PRSS33: variants seen among roughly 807,000 people sequenced by gnomAD.
PRSS33 encodes protease, serine 33.
A neutral mutation model predicts 26.7 loss-of-function variants in PRSS33; 32 were observed. That is an observed-to-expected ratio of 1.20 (90% CI 0.90 to 1.61). PRSS33 has a LOEUF of 1.61. Ranked by LOEUF, PRSS33 falls within the 40% of genes most tolerant of loss-of-function variation. PRSS33 has a pLI of 0.00. For synonymous variants in PRSS33, 192 were observed against 177.6 expected (o/e 1.08, Z -0.64); for missense variants, 450 against 396.3 (o/e 1.14, Z -1.15).
In PRSS33 at chr16:2,784,657, C is replaced by T. The variant is rs750042020; in HGVS notation, c.830G>A (p.Arg277His). 3.6e-5 allele frequency: 58 copies of T among 1,597,078 alleles called. 1 individual carries two copies. In the South Asian group the frequency reaches 4.1e-4, roughly 11 times the overall value. Residue 277 changes from arginine (R) to histidine (H), a missense_variant, in exon 7 of 7, where the codon CGC (arginine) becomes CAC (histidine). Arg to His is a conservative substitution (Grantham distance 29). Coordinates refer to ENST00000682474, the MANE Select transcript of PRSS33 (RefSeq NM_152891.3). ...CACCGGCTAGCATTAGAAGCTGACG[C>T]GAGCCTGAATCCAGGGGCTATATGT... ...VATYSPWIQA[R>H]VSF
chr16:2,785,808 C>A lies in PRSS33; in HGVS notation c.233G>T (p.Cys78Phe), dbSNP rs749061525. ...CTCGGTGAGCGCTGACCTGGGGAAG[C>A]AGTGCGCCGCTGTCAGCACCCACTG... Reference protein sequence around the residue: ...APQWVLTAAHCFPRRALPAEY... With the variant: ...APQWVLTAAHFFPRRALPAEY... Residue 78 changes from cysteine (C) to phenylalanine (F), a missense_variant, in exon 4 of 7, where the codon TGC becomes TTC. By Grantham distance (205) the Cys-to-Phe change is radical. Coordinates refer to ENST00000682474, the MANE Select transcript of PRSS33 (RefSeq NM_152891.3). 6.3e-7 allele frequency: 1 copy of A among 1,597,750 alleles called. No individual in the cohort carries two copies. Among genetic ancestry groups the A allele is most frequent in the Non-Finnish European group, 8.5e-7 (1 of 1,176,512 alleles).
Position 2,785,063 on chromosome 16 carries a change from C to A in PRSS33, c.623G>T (p.Arg208Leu). Residue 208 changes from arginine (R) to leucine (L), a missense_variant, in exon 6 of 7, where the codon CGC becomes CTC. Transcript: ENST00000682474. ...HVGADVPQAE[R>L]IVLPGSLCAG... Reference sequence around the variant, plus strand: ...ACACAGACTCCCAGGCAGCACAATGCGCTCAGCCTGGGGCACGTCCGCGCC... The same window carrying A: ...ACACAGACTCCCAGGCAGCACAATGAGCTCAGCCTGGGGCACGTCCGCGCC... 6.3e-7 allele frequency: 1 copy of A among 1,579,122 alleles called. No individual in the cohort carries two copies. Among genetic ancestry groups the A allele is most frequent in the Non-Finnish European group, 8.6e-7 (1 of 1,165,276 alleles).
chr16:2,786,329 G>A (rs907502286), intron 2 of PRSS33, among the ~76,000 whole-genome samples, 173 bp downstream of exon 2: 4 of 152,160 alleles, frequency 2.6e-5, no homozygotes, highest in African/African-American at 7.2e-5. Flanking sequence ...ACACCGACAA[G>A]CACATCGAGG....
rs1385185363 is a variant in PRSS33 at position 2,786,217 on chromosome 16, A to AT, written c.47-97dup. ...AGAGATGAGGAAGGAGGGTGAAACA[A>AT]TGTTGCCCTGACATTGCGCCAGGCT... On this transcript the variant is annotated intron_variant, in intron 2 of 6. Coordinates refer to ENST00000682474, the MANE Select transcript of PRSS33 (RefSeq NM_152891.3). 4.3e-6 allele frequency: 5 copies of AT among 1,152,856 alleles called. No homozygotes were observed. In the African/African-American group the frequency reaches 4.5e-5, roughly 10 times the overall value. The allele number at this position is 1,152,856 out of a possible 1,614,324, so 71.4% of individuals were successfully genotyped here. A position where few individuals can be genotyped will look rare whatever the true frequency, so the allele number is the denominator to read the frequency against.
rs1332191412 is a variant in PRSS33, at chr16:2,784,488, G to GC, written c.*155dup. The GC allele has an allele frequency of 1.8e-5, 10 of 568,512 alleles. No homozygotes were observed. The highest frequency in any genetic ancestry group is 3.8e-5 in the Admixed American group (1 of 26,402). 35.2% of individuals were successfully genotyped at this position (568,512 alleles called of 1,614,324 possible). ...TGGTGATCCCCAAAGAGGAGAGGAG[G>GC]CAGGAGGTGGTGGGTGGGGGGTGGG... On this transcript the variant is annotated 3_prime_UTR_variant, in exon 7 of 7. Coordinates refer to ENST00000682474, the MANE Select transcript of PRSS33 (RefSeq NM_152891.3).
Position 2,785,567 on chromosome 16 carries a change from G to A in PRSS33, c.322C>T (p.Pro108Ser). The stretch of plus-strand genomic sequence containing the variant: ...GGGGGCAGCAGCACCCGTCGCACGG[G>A]CACCGAGAGCGTGCGGGGCGAGGTG... ...GSTSPRTLSV[P>S]VRRVLLPPDY... The change falls in exon 5 of 7, where the codon CCC becomes TCC. Residue 108 changes from proline (P) to serine (S), a missense_variant. Coordinates refer to ENST00000682474, the MANE Select transcript of PRSS33 (RefSeq NM_152891.3). The A allele has an allele frequency of 6.5e-7, 1 of 1,527,102 alleles. No homozygotes were observed. Among genetic ancestry groups the A allele is most frequent in the Non-Finnish European group, 8.7e-7 (1 of 1,144,064 alleles). 94.6% of individuals were successfully genotyped at this position (1,527,102 alleles called of 1,614,324 possible).
In PRSS33 at chr16:2,784,702, C is replaced by T; in HGVS notation, c.785G>A (p.Gly262Glu). The T allele has an allele frequency of 6.2e-7, 1 of 1,606,528 alleles. No homozygotes were observed. The highest frequency in any genetic ancestry group is 8.5e-7 in the Non-Finnish European group (1 of 1,176,740). Residue 262 changes from glycine to glutamate, a missense_variant, in exon 7 of 7, where the codon GGG (glycine) becomes GAG (glutamate). Gly to Glu is a moderately conservative substitution (Grantham distance 98, BLOSUM62 -2). Transcript: ENST00000682474. ...GKGCALPNRP[G>E]VYTSVATYSP... ...ATATGTGGCCACACTGGTGTAGACC[C>T]CTGGACGGTTGGGCAGGGCACAACC...
intron 5 of PRSS33, 30 bp downstream of exon 5, chr16:2,785,345 A>G (rs1011425967): frequency 2.1e-6 from 3 of 1,449,614 alleles, no homozygotes; most frequent in Non-Finnish European, 2.7e-6. Context: ...GGGCTCCCGG[A>G]TGCCTCGGAG....
Position 2,784,572 on chromosome 16 carries a change from G to A in PRSS33, c.*72C>T. ...GAGGCAGAAGGGATGTGGGGTATAG[G>A]CAGGTGCCTGGATGAACCAGGAGGC... is the stretch of plus-strand genomic sequence containing the variant. On this transcript the variant is annotated 3_prime_UTR_variant, in exon 7 of 7. Transcript: ENST00000682474. 2.8e-6 allele frequency: 4 copies of A among 1,442,286 alleles called. No individual in the cohort carries two copies. Among genetic ancestry groups the A allele is most frequent in the Non-Finnish European group, 3.7e-6 (4 of 1,071,688 alleles). The allele number at this position is 1,442,286 out of a possible 1,614,324, so 89.3% of individuals were successfully genotyped here. A position where few individuals can be genotyped will look rare whatever the true frequency, so the allele number is the denominator to read the frequency against.
At position 2,786,516 on chromosome 16, in the gene PRSS33, A is replaced by G; in HGVS notation, c.32T>C (p.Leu11Pro). MRGVSCLQVL[L>P]LLVLGAAGTQ... is the part of the protein sequence containing the mutation. ...TCCCCACTCACCCAGCACCAGAAGG[A>G]GCAGGACCTGGAGACAGGAAACCCC... The change falls in exon 2 of 7, where the codon CTC becomes CCC. Residue 11 changes from leucine to proline, a missense_variant. Physicochemically the swap from Leu to Pro is moderately conservative, Grantham distance 98 (BLOSUM62 -3). Coordinates refer to ENST00000682474, the MANE Select transcript of PRSS33 (RefSeq NM_152891.3). 1 of 1,613,276 alleles carries G rather than the reference A, an allele frequency of 6.2e-7. No individual in the cohort carries two copies.
rs185363631 is a variant in PRSS33, at chr16:2,786,760, C to T, written c.-57-156G>A. 355 of 554,360 alleles carry T rather than the reference C, an allele frequency of 6.4e-4. 3 individuals are homozygous for T. Among genetic ancestry groups the T allele is most frequent in the African/African-American group, 5.9e-3 (311 of 52,512 alleles). The allele number at this position is 554,360 out of a possible 1,614,324, so 34.3% of individuals were successfully genotyped here. A position where few individuals can be genotyped will look rare whatever the true frequency, so the allele number is the denominator to read the frequency against. On this transcript the variant is annotated intron_variant, in intron 1 of 6. Coordinates refer to ENST00000682474, the MANE Select transcript of PRSS33 (RefSeq NM_152891.3). ...CCCAGGCTGTATACCCTTCGTTCTG[C>T]CCAGGGCCCAGGTATGCAGCACCCA...
chr16:2,785,587 G>T lies in PRSS33; in HGVS notation c.302C>A (p.Ser101Ter), dbSNP rs1195898660. 1 of 1,522,888 alleles carries T rather than the reference G, an allele frequency of 6.6e-7. No individual in the cohort carries two copies. Among genetic ancestry groups the T allele is most frequent in the East Asian group, 2.5e-5 (1 of 39,962 alleles). The allele number at this position is 1,522,888 out of a possible 1,614,324, so 94.3% of individuals were successfully genotyped here. A position where few individuals can be genotyped will look rare whatever the true frequency, so the allele number is the denominator to read the frequency against. Residue 101 changes from serine (S) to a stop codon, truncating the protein, a stop_gained, in exon 5 of 7, where the codon TCG becomes TAG. Transcript: ENST00000682474. LOFTEE classifies it high-confidence loss of function. The stretch of plus-strand genomic sequence containing the variant: ...CACGGGCACCGAGAGCGTGCGGGGC[G>T]AGGTGGAGCCCAGACGCAGCGCCCC... ...RLGALRLGST[S>*]PRTLSVPVRR...
At position 2,785,865 on chromosome 16, in the gene PRSS33, G is replaced by A. The variant is rs2068868126; in HGVS notation, c.176C>T (p.Ala59Val). The A allele has an allele frequency of 1.2e-6, 2 of 1,609,364 alleles. No homozygotes were observed. Among genetic ancestry groups the A allele is most frequent in the Admixed American group, 1.7e-5 (1 of 59,746 alleles). ...GATGAGCGACCCCCCGCACACGTGT[G>A]CCCCACGATGCTGGATGCTCGCCTG... ...PWQASIQHRG[A>V]HVCGGSLIAP... Residue 59 changes from alanine (A) to valine (V), a missense_variant, in exon 4 of 7, where the codon GCA (alanine) becomes GTA (valine). Transcript: ENST00000682474.
In PRSS33 at chr16:2,786,492, C is replaced by T. The variant is rs757464971; in HGVS notation, c.46+10G>A. ...TGCGGCCCTCACCCCCAGTCCCTGT[C>T]CCCACTCACCCAGCACCAGAAGGAG... On this transcript the variant is annotated intron_variant, in intron 2 of 6. Coordinates refer to ENST00000682474, the MANE Select transcript of PRSS33 (RefSeq NM_152891.3). The T allele has an allele frequency of 1.2e-6, 2 of 1,613,308 alleles. No individual in the cohort carries two copies. The highest frequency in any genetic ancestry group is 1.7e-5 in the Admixed American group (1 of 59,980).
intron 3 of PRSS33, 39 bp downstream of exon 3, chr16:2,786,050 A>T: frequency 1.9e-6 from 3 of 1,612,618 alleles, no homozygotes; most frequent in Non-Finnish European, 2.5e-6. Context: ...GCCGAGGTCC[A>T]GGAGGGGCTG....
intron 1 of PRSS33, chr16:2,786,830 A>G (rs2068879072): frequency 5.8e-6 from 2 of 346,156 alleles, no homozygotes; most frequent in African/African-American, 2.2e-5. Context: ...GAAGCCCTGG[A>G]GCCTAACCCC....
In PRSS33 at chr16:2,785,011, G is replaced by A. The variant is rs374910362; in HGVS notation, c.675C>T (p.Asp225=). ...LCAGYPQGHK[D]ACQGDSGGPL... ...GAGGCTGGGTGCACACCTGGCAGGC[G>A]TCCTTGTGGCCCTGGGGGTAGCCGG... The change falls in exon 6 of 7, where the codon GAC becomes GAT. Residue 225 remains aspartate (D), a synonymous_variant. Coordinates refer to ENST00000682474, the MANE Select transcript of PRSS33 (RefSeq NM_152891.3). 1.9e-4 allele frequency: 297 copies of A among 1,597,128 alleles called. 1 individual carries two copies. Among genetic ancestry groups the A allele is most frequent in the Admixed American group, 3.1e-4 (18 of 58,146 alleles).
Position 2,784,071 on chromosome 16 carries a change from T to A in PRSS33, c.*573A>T, listed in dbSNP as rs909280294. The stretch of plus-strand genomic sequence containing the variant: ...AAGGGATTGGCCGGCGGGGCTCTTA[T>A]CTGGAGGCTGGGGAAGAACTTACTT... On this transcript the variant is annotated 3_prime_UTR_variant, in exon 7 of 7. Transcript: ENST00000682474. The A allele has an allele frequency of 5.3e-5, 8 of 152,376 alleles. No homozygotes were observed. The highest frequency in any genetic ancestry group is 1.9e-4 in the African/African-American group (8 of 41,456). 9.4% of individuals were successfully genotyped at this position (152,376 alleles called of 1,614,324 possible). A position where few individuals can be genotyped will look rare whatever the true frequency, so the allele number is the denominator to read the frequency against.
In PRSS33 at chr16:2,785,948, G is replaced by A. The variant is rs1334143555; in HGVS notation, c.93C>T (p.Pro31=). Residue 31 remains proline (P), a synonymous_variant, in exon 4 of 7, where the codon CCC becomes CCT. Transcript: ENST00000682474. The part of the protein sequence containing the change: ...QGRKSAACGQ[P]RMSSRIVGGR... ...CCCCAACGATCCGACTGGACATGCG[G>A]GGCTGCCCGCAGGCTAGAAAAGGAC... 4.5e-5 allele frequency: 72 copies of A among 1,612,658 alleles called. No homozygotes were observed. Among genetic ancestry groups the A allele is most frequent in the Non-Finnish European group, 5.9e-5 (70 of 1,179,896 alleles).
Sources: gnomAD v4.1 joint callset for allele counts (sites outside exome capture counted in the v4.1 genomes callset) on GRCh38, gnomAD v4.1.1 for gene constraint, MANE v1.5 for transcripts, NCBI Gene and HGNC (gene_info 2026-07-23, HGNC 2026-07-21) for gene names.